The following TAF1A variants were observed in gnomAD, a reference collection of about 807,000 sequenced individuals.
TAF1A encodes the protein TATA-box binding protein associated factor, RNA polymerase I subunit A.
A neutral mutation model predicts 61.6 loss-of-function variants in TAF1A; 42 were observed. The observed-to-expected ratio is 0.68, with a 90% confidence interval of 0.53 to 0.88. The LOEUF is 0.88. Ranked by LOEUF, TAF1A falls within the 40% of genes least tolerant of loss-of-function variation. The pLI, the probability that TAF1A is intolerant of heterozygous loss-of-function variation, is 0.00. For missense variants in TAF1A, 424 were observed against 518.7 expected, an observed-to-expected ratio of 0.82 and a Z score of 1.77; for synonymous variants, 179 against 177.7, an observed-to-expected ratio of 1.01 and a Z score of -0.06.
At chr1:222,565,017 T>G (rs1048873628) in intron 7 of TAF1A, among the ~76,000 whole-genome samples, 2 of 152,332 alleles carry the variant, frequency 1.3e-5, no homozygotes, top group African/African-American at 2.4e-5. Context: ...GTAGTAGAAG[T>G]GCATACAAAT....
chr1:222,559,814 G>A (rs566234643), intron 10 of TAF1A, among the ~76,000 whole-genome samples: 1 of 152,066 alleles, frequency 6.6e-6, no homozygotes, highest in Admixed American at 6.5e-5. Context: ...ACCGCACCCA[G>A]CTAGTAACGT....
In TAF1A at chr1:222,564,024, T is replaced by A. The variant is rs1660019795; in HGVS notation, c.961+35A>T. On this transcript the variant is annotated intron_variant, in intron 8 of 10. Coordinates refer to ENST00000352967, the MANE Select transcript of TAF1A (RefSeq NM_005681.4). ...TTGCTGGTCCCTAGTCTATAGCTTG[T>A]CTACACAAGGTATAAAACAACATTT... 2.3e-6 allele frequency: 3 copies of A among 1,326,918 alleles called. No homozygotes were observed. In the African/African-American group the frequency reaches 4.3e-5, roughly 19 times the overall value. The allele number at this position is 1,326,918 out of a possible 1,614,324, so 82.2% of individuals were successfully genotyped here. A position where few individuals can be genotyped will look rare whatever the true frequency, so the allele number is the denominator to read the frequency against.
At chr1:222,575,344 G>A (rs1660524675) in intron 5 of TAF1A, among the ~76,000 whole-genome samples, 2 of 151,806 alleles carry the variant, frequency 1.3e-5, no homozygotes, top group South Asian at 2.1e-4. Context: ...AACACAGTAA[G>A]ACCCCATCTT....
Position 222,577,455 on chromosome 1 carries a change from C to CA in TAF1A, c.593dup (p.Leu198PhefsTer5), listed in dbSNP as rs1558150126. ...CCTGTATTCACTTACCAAGCTTTGACAATTCCATCTTCTTTTCAGACCAGG... is the reference window on the plus strand; with the variant it reads ...CCTGTATTCACTTACCAAGCTTTGACAAATTCCATCTTCTTTTCAGACCAGG... On this transcript the variant is annotated frameshift_variant, in exon 5 of 11. Transcript: ENST00000352967. LOFTEE classifies it high-confidence loss of function. 1.2e-6 allele frequency: 2 copies of CA among 1,613,772 alleles called. No homozygotes were observed. Among genetic ancestry groups the CA allele is most frequent in the Non-Finnish European group, 1.7e-6 (2 of 1,179,772 alleles).
At chr1:222,558,181 GAGAA>G (rs71675847), downstream of TAF1A, 50,098 of 151,562 alleles carry the variant, frequency 0.33, 8,684 homozygotes, top group Admixed American at 0.43. Context: ...GCGCCCGGCC[GAGAA>G]AGAGTCTTTT....
chr1:222,581,393 CTAAT>C (rs1245045588), intron 3 of TAF1A, among the ~76,000 whole-genome samples: 3 of 151,882 alleles, frequency 2.0e-5, no homozygotes, highest in East Asian at 1.9e-4. Flanking sequence ...TAGAAGATAA[CTAAT>C]TGATGCAATG....
rs1183470643 is a variant in TAF1A, at chr1:222,573,128, G to A, written c.605-2463C>T. 3.3e-5 allele frequency among the ~76,000 whole-genome samples: 5 copies of A among 152,124 alleles called. No individual in the cohort carries two copies. In the East Asian group the frequency reaches 9.7e-4, roughly 29 times the overall value. Reference sequence around the variant, plus strand: ...TACTAAAAACACAAAAATTAGCTGGGCGTGGTGGCAGGCACCTCTAATCCC... The same window carrying A: ...TACTAAAAACACAAAAATTAGCTGGACGTGGTGGCAGGCACCTCTAATCCC... On this transcript the variant is annotated intron_variant, in intron 5 of 10. Transcript: ENST00000352967.
At position 222,570,536 on chromosome 1, in the gene TAF1A, T is replaced by C; in HGVS notation, c.734A>G (p.Glu245Gly). The C allele has an allele frequency of 6.2e-7, 1 of 1,602,802 alleles. No individual in the cohort carries two copies. Among genetic ancestry groups the C allele is most frequent in the South Asian group, 1.1e-5 (1 of 89,454 alleles). Reference protein sequence around the residue: ...VWDPFVKSYVEMLEFYGDRDG... With the variant: ...VWDPFVKSYVGMLEFYGDRDG... ...AAATTTAATGAAAATTCTACTTACT[T>C]CTACATAACTCTTCACAAAAGGGTC... is the stretch of plus-strand genomic sequence containing the variant. Residue 245 changes from glutamate (E) to glycine (G), a missense_variant and splice_region_variant, in exon 6 of 11, where the codon GAA becomes GGA. Transcript: ENST00000352967.
chr1:222,577,477 C>G lies in TAF1A; in HGVS notation c.572G>C (p.Trp191Ser). The G allele has an allele frequency of 6.2e-7, 1 of 1,613,732 alleles. No individual in the cohort carries two copies. ...TGACAATTCCATCTTCTTTTCAGACCAGGTATAATACTGTAAAAGCCCTTT... is the reference window on the plus strand; with the variant it reads ...TGACAATTCCATCTTCTTTTCAGACGAGGTATAATACTGTAAAAGCCCTTT... ...AYKGLLQYYTWSEKKMELSKL... is the reference protein window; with the variant it reads ...AYKGLLQYYTSSEKKMELSKL... The change falls in exon 5 of 11, where the codon TGG (tryptophan) becomes TCG (serine). Residue 191 changes from tryptophan (W) to serine (S), a missense_variant. Trp to Ser is a radical substitution (Grantham distance 177). Coordinates refer to ENST00000352967, the MANE Select transcript of TAF1A (RefSeq NM_005681.4).
chr1:222,560,908 T>C (rs1659886626), intron 10 of TAF1A, among the ~76,000 whole-genome samples: 1 of 152,128 alleles, frequency 6.6e-6, no homozygotes, highest in Non-Finnish European at 1.5e-5. Context: ...TTGAAGAGAA[T>C]TTTTTTCATA....
intron 3 of TAF1A, among the ~76,000 whole-genome samples, chr1:222,582,735 T>C (rs1307908958): frequency 6.6e-6 from 1 of 152,212 alleles, no homozygotes; most frequent in East Asian, 1.9e-4. Flanking sequence ...AAACATGGTA[T>C]TTCCATATGA....
Position 222,570,619 on chromosome 1 carries a change from G to A in TAF1A, c.651C>T (p.Asn217=), listed in dbSNP as rs762733903. Residue 217 remains asparagine, a synonymous_variant, in exon 6 of 11, where the codon AAC becomes AAT. Coordinates refer to ENST00000352967, the MANE Select transcript of TAF1A (RefSeq NM_005681.4). ...AYNAVAQDVF[N]HSWKTSANIS... Reference sequence around the variant, plus strand: ...TATTTGCAGATGTCTTCCAGCTGTGGTTGAACACATCCTGGGCTACTGCAT... The same window carrying A: ...TATTTGCAGATGTCTTCCAGCTGTGATTGAACACATCCTGGGCTACTGCAT... 2 of 1,612,626 alleles carry A rather than the reference G, an allele frequency of 1.2e-6. No individual in the cohort carries two copies. The highest frequency in any genetic ancestry group is 8.5e-7 in the Non-Finnish European group (1 of 1,178,962).
At chr1:222,561,771 T>G (rs34478208) in intron 9 of TAF1A, among the ~76,000 whole-genome samples, 55,209 of 152,094 alleles carry the variant, frequency 0.36, 12,477 homozygotes, top group Non-Finnish European at 0.49. Context: ...CAGAACAGAC[T>G]CGAAGCCAGA....
At position 222,577,542 on chromosome 1, in the gene TAF1A, C is replaced by G. The variant is rs150887332; in HGVS notation, c.507G>C (p.Thr169=). 1.2e-5 allele frequency: 20 copies of G among 1,613,762 alleles called. No individual in the cohort carries two copies. In the African/African-American group the frequency reaches 2.5e-4, roughly 20 times the overall value. ...EAETWRHGEN[T]SSREILINLI... ...GGTTGATTAATATTTCCCGGGAAGA[C>G]GTATTTTCACCATGTCTCCATGTCT... is the stretch of plus-strand genomic sequence containing the variant. The change falls in exon 5 of 11, where the codon ACG becomes ACC. Residue 169 remains threonine, a synonymous_variant. Coordinates refer to ENST00000352967, the MANE Select transcript of TAF1A (RefSeq NM_005681.4).
chr1:222,584,833 T>G (rs1046481849), intron 2 of TAF1A, among the ~76,000 whole-genome samples: 1 of 152,196 alleles, frequency 6.6e-6, no homozygotes, highest in Non-Finnish European at 1.5e-5. Context: ...TTAAGAACAT[T>G]TGGGCTTAGA....
chr1:222,565,754 C>T (rs894475587), intron 7 of TAF1A, among the ~76,000 whole-genome samples: 21 of 152,142 alleles, frequency 1.4e-4, no homozygotes, highest in East Asian at 3.9e-4. Flanking sequence ...CCCAGCTACT[C>T]GGGAGGCTGA....
chr1:222,558,743 G>C lies in TAF1A; in HGVS notation c.1270C>G (p.Gln424Glu). The C allele has an allele frequency of 6.5e-7, 1 of 1,546,652 alleles. No homozygotes were observed. Among genetic ancestry groups the C allele is most frequent in the Non-Finnish European group, 8.8e-7 (1 of 1,141,978 alleles). Residue 424 changes from glutamine to glutamate, a missense_variant, in exon 11 of 11, where the codon CAA becomes GAA. By Grantham distance (29) the Gln-to-Glu change is conservative (BLOSUM62 2). Transcript: ENST00000352967. ...TTCTTCCCTAAGATTTGGTGATCTT[G>C]CTTTAAAATATACCGGAAATATCTA... is the stretch of plus-strand genomic sequence containing the variant. ...GCRYFRYILK[Q>E]DHQILGKKIK... is the part of the protein sequence containing the mutation.
chr1:222,575,359 A>C (rs1013084944), intron 5 of TAF1A, among the ~76,000 whole-genome samples: 5 of 151,270 alleles, frequency 3.3e-5, no homozygotes, highest in South Asian at 4.2e-4. Context: ...CATCTTCACA[A>C]AAAAAAAAAT....
At chr1:222,576,270 T>C (rs1660569394) in intron 5 of TAF1A, among the ~76,000 whole-genome samples, 1 of 152,144 alleles carries the variant, frequency 6.6e-6, no homozygotes, top group African/African-American at 2.4e-5. Flanking sequence ...AAGATTATCA[T>C]GATGAAGAGA....
Sources: gnomAD v4.1 joint callset for allele counts (sites outside exome capture counted in the v4.1 genomes callset) on GRCh38, gnomAD v4.1.1 for gene constraint, MANE v1.5 for transcripts, NCBI Gene and HGNC (gene_info 2026-07-23, HGNC 2026-07-21) for gene names.